UBR3: variants seen among roughly 807,000 people sequenced by gnomAD.
The protein encoded by UBR3 is ubiquitin protein ligase E3 component n-recognin 3, also known as E3 ubiquitin-protein ligase UBR3.
In UBR3, 85 loss-of-function variants were observed where a neutral mutation model predicts 243.2. The observed-to-expected ratio is 0.35, with a 90% confidence interval of 0.29 to 0.42. UBR3 has a LOEUF of 0.42. Ranked by LOEUF, UBR3 falls within the 10% of genes least tolerant of loss-of-function variation. The pLI, the probability that UBR3 is intolerant of heterozygous loss-of-function variation, is 1.00. For synonymous variants in UBR3, 748 were observed against 799.8 expected (o/e 0.94, Z 1.09); for missense variants, 1,686 against 2,300.8 (o/e 0.73, Z 5.47).
chr2:169,927,244 T>G (rs1479958865), intron 16 of UBR3, 76 bp from the exon 17 acceptor site: 24 of 1,324,516 alleles, frequency 1.8e-5, no homozygotes, highest in Non-Finnish European at 2.4e-5. Flanking sequence ...AACAGCTTAG[T>G]AAAAAGTGTG....
chr2:169,953,111 G>A (rs2087112920), intron 23 of UBR3, among the ~76,000 whole-genome samples: 1 of 152,104 alleles, frequency 6.6e-6, no homozygotes, highest in African/African-American at 2.4e-5. Flanking sequence ...TAGTTTAGAT[G>A]CTGCTTTTAC....
intron 23 of UBR3, among the ~76,000 whole-genome samples, chr2:169,953,414 A>G (rs1172660451): frequency 6.6e-6 from 1 of 152,196 alleles, no homozygotes; most frequent in Non-Finnish European, 1.5e-5. Flanking sequence ...CATCACTTTC[A>G]TAATAGATTA....
intron 19 of UBR3, among the ~76,000 whole-genome samples, chr2:169,941,647 T>TA (rs1386161266): frequency 6.6e-6 from 1 of 152,212 alleles, no homozygotes; most frequent in African/African-American, 2.4e-5. Flanking sequence ...GTTAATCTCT[T>TA]ACTGTGTCTA....
intron 24 of UBR3, among the ~76,000 whole-genome samples, chr2:169,959,888 A>G (rs2087484314): frequency 6.6e-6 from 1 of 152,204 alleles, no homozygotes; most frequent in Non-Finnish European, 1.5e-5. Context: ...CCACAAGTGG[A>G]AAGTTTCACA....
intron 36 of UBR3, 66 bp from the exon 37 acceptor site, chr2:170,079,747 TA>T: frequency 1.4e-6 from 2 of 1,389,860 alleles, no homozygotes; most frequent in Non-Finnish European, 9.7e-7. Context: ...AAAATACATT[TA>T]AAAAATATAT....
chr2:169,843,151 A>G (rs2082356286), intron 1 of UBR3, among the ~76,000 whole-genome samples: 1 of 152,234 alleles, frequency 6.6e-6, no homozygotes, highest in African/African-American at 2.4e-5. Context: ...TATTATAGCA[A>G]CGACATCATT....
intron 30 of UBR3, among the ~76,000 whole-genome samples, chr2:170,022,266 C>T (rs989029458): frequency 1.3e-5 from 2 of 152,016 alleles, no homozygotes; most frequent in Non-Finnish European, 2.9e-5. Flanking sequence ...CTTGGGTTAA[C>T]CAGAGAATTA....
At chr2:170,077,007 T>A (rs961313) in intron 36 of UBR3, among the ~76,000 whole-genome samples, 108,432 of 152,196 alleles carry the variant, frequency 0.71, 39,536 homozygotes, top group East Asian at 0.88. Context: ...GTACTAGAGG[T>A]TAGACAGTAC....
At chr2:169,941,895 G>C (rs189849208) in intron 19 of UBR3, among the ~76,000 whole-genome samples, 3 of 152,304 alleles carry the variant, frequency 2.0e-5, no homozygotes, top group Admixed American at 6.5e-5. Context: ...TACTCTTTCA[G>C]TGAGGGTAAA....
intron 6 of UBR3, among the ~76,000 whole-genome samples, chr2:169,891,485 TTGAC>T (rs2084372844): frequency 6.6e-6 from 1 of 152,188 alleles, no homozygotes; most frequent in Non-Finnish European, 1.5e-5. Context: ...TTTTCATTGA[TTGAC>T]TGATTTGGCT....
chr2:170,074,221 A>G (rs2091759166), intron 36 of UBR3, among the ~76,000 whole-genome samples: 1 of 152,166 alleles, frequency 6.6e-6, no homozygotes, highest in Admixed American at 6.5e-5. Context: ...AAGCCAGAAA[A>G]TATTTAGGTG....
chr2:170,031,098 C>T (rs1423909002), intron 31 of UBR3, among the ~76,000 whole-genome samples: 1 of 151,826 alleles, frequency 6.6e-6, no homozygotes, highest in Non-Finnish European at 1.5e-5. Context: ...GCCTAGCCTT[C>T]CTCTTTATTT....
At position 169,928,814 on chromosome 2, in the gene UBR3, G is replaced by C; in HGVS notation, c.2512G>C (p.Ala838Pro). ...SVLSAVADFKAPVFEPGGSMQ... is the reference protein window; with the variant it reads ...SVLSAVADFKPPVFEPGGSMQ... ...TTTATCAGCTGTAGCTGATTTTAAG[G>C]CTCCTGTTTTTGAACCTGGAGGTTC... The change falls in exon 18 of 39, where the codon GCT becomes CCT. Residue 838 changes from alanine (A) to proline (P), a missense_variant. Coordinates refer to ENST00000272793, the MANE Select transcript of UBR3 (RefSeq NM_172070.4). The C allele has an allele frequency of 6.6e-7, 1 of 1,506,138 alleles. No homozygotes were observed. The highest frequency in any genetic ancestry group is 1.3e-5 in the South Asian group (1 of 77,494). 93.3% of individuals were successfully genotyped at this position (1,506,138 alleles called of 1,614,324 possible).
intron 35 of UBR3, among the ~76,000 whole-genome samples, chr2:170,063,417 T>G (rs567321305): frequency 6.6e-6 from 1 of 152,236 alleles, no homozygotes; most frequent in East Asian, 1.9e-4. Flanking sequence ...GAGCTTTAGA[T>G]AGAAATTTGT....
intron 1 of UBR3, among the ~76,000 whole-genome samples, chr2:169,870,097 C>T (rs1418782775): frequency 6.6e-6 from 1 of 152,028 alleles, no homozygotes; most frequent in African/African-American, 2.4e-5. Context: ...CCATTTCTTA[C>T]ATTTGATTTT....
intron 1 of UBR3, among the ~76,000 whole-genome samples, chr2:169,836,031 CTCTCTCTCTCTCTATATATATATA>C (rs1558998563): frequency 4.0e-5 from 1 of 25,190 alleles, no homozygotes; most frequent in African/African-American, 1.7e-4. Flanking sequence ...CTCTCTCTCT[CTCTCTCTCTCTCTATATATATATA>C]TATATATATA....
At chr2:169,917,486 T>C (rs1008314474) in intron 11 of UBR3, among the ~76,000 whole-genome samples, 6 of 152,208 alleles carry the variant, frequency 3.9e-5, no homozygotes, top group African/African-American at 1.4e-4. Flanking sequence ...GAAAATGATA[T>C]TTAAATTAAT....
At chr2:170,024,149 T>C (rs1188983535) in intron 30 of UBR3, among the ~76,000 whole-genome samples, 2 of 151,924 alleles carry the variant, frequency 1.3e-5, no homozygotes, top group Non-Finnish European at 2.9e-5. Context: ...GGTCAGGAGA[T>C]CGAGACCATC....
chr2:169,854,333 A>AT (rs144046605), intron 1 of UBR3, among the ~76,000 whole-genome samples: 8,701 of 152,292 alleles, frequency 0.057, 454 homozygotes, highest in African/African-American at 0.14. Context: ...GAAACTGTTA[A>AT]TGCATTACCA....
Sources: allele counts gnomAD v4.1 joint callset (sites outside exome capture counted in the v4.1 genomes callset), GRCh38; gene constraint gnomAD v4.1.1; transcripts MANE v1.5; gene names NCBI Gene and HGNC (gene_info 2026-07-23, HGNC 2026-07-21).